Variants in LGR6 observed in about 807,000 individuals in gnomAD.
LGR6 encodes the protein leucine-rich repeat-containing G protein-coupled receptor 6.
A neutral mutation model predicts 69.4 loss-of-function variants in LGR6; 45 were observed. The ratio of observed to expected loss-of-function variants is 0.65; its 90% CI spans 0.51 to 0.83. The LOEUF (loss-of-function observed/expected upper bound fraction) is 0.83. LGR6 is among the 40% of genes least tolerant of loss of function. LGR6 has a pLI of 0.00. For synonymous variants in LGR6, 538 were observed against 555.0 expected, an observed-to-expected ratio of 0.97 and a Z score of 0.43; for missense variants, 1,108 against 1,246.7, an observed-to-expected ratio of 0.89 and a Z score of 1.68.
At chr1:202,229,977 G>C (rs142014630) in intron 3 of LGR6, among the ~76,000 whole-genome samples, 3 of 152,208 alleles carry the variant, frequency 2.0e-5, no homozygotes, top group African/African-American at 4.8e-5. Flanking sequence ...TCCATTGCTT[G>C]CTTTTCAGAG....
chr1:202,227,096 A>C (rs1660612472), intron 2 of LGR6, among the ~76,000 whole-genome samples: 1 of 152,206 alleles, frequency 6.6e-6, no homozygotes. Context: ...GAGACCTCAG[A>C]TGTCACGATG....
rs190426839 is a variant in LGR6, at chr1:202,298,130, G to A, written c.785+554G>A. ...TCCCCAAGCATCCTTCAGCCTCATT[G>A]AAGACACAAAGTAACATAGGTAAAA... On this transcript the variant is annotated intron_variant, in intron 7 of 17. Coordinates refer to ENST00000367278, the MANE Select transcript of LGR6 (RefSeq NM_001017403.2). Among the ~76,000 whole-genome samples, 285 of 152,318 alleles carry A rather than the reference G, an allele frequency of 1.9e-3. 1 individual carries two copies. Among genetic ancestry groups the A allele is most frequent in the Middle Eastern group, 0.01 (3 of 294 alleles).
chr1:202,264,471 G>A (rs1664490040), intron 4 of LGR6, among the ~76,000 whole-genome samples: 1 of 152,158 alleles, frequency 6.6e-6, no homozygotes, highest in Non-Finnish European at 1.5e-5. Flanking sequence ...CTTTGCCAGG[G>A]CAGGCAGCCA....
At chr1:202,225,989 A>C (rs552068410) in intron 2 of LGR6, among the ~76,000 whole-genome samples, 1 of 152,256 alleles carries the variant, frequency 6.6e-6, no homozygotes, top group African/African-American at 2.4e-5. Context: ...GCATCTCACC[A>C]GCTCAAAAGC....
chr1:202,227,901 T>C (rs771953388), intron 2 of LGR6, 35 bp from the exon 3 acceptor site: 1 of 1,538,842 alleles, frequency 6.5e-7, no homozygotes, highest in South Asian at 1.1e-5. Context: ...TTGGGTTACC[T>C]GCCAACATCG....
intron 1 of LGR6, chr1:202,194,449 G>A: frequency 1.6e-6 from 1 of 613,482 alleles, no homozygotes; most frequent in Non-Finnish European, 3.0e-6. Context: ...CTTGTGGGCT[G>A]ACTATGGGAG....
At chr1:202,243,778 GT>G (rs1662404205) in intron 4 of LGR6, among the ~76,000 whole-genome samples, 1 of 152,198 alleles carries the variant, frequency 6.6e-6, no homozygotes, top group African/African-American at 2.4e-5. Flanking sequence ...GAAGGAGCCA[GT>G]TGTGCATGAA....
At chr1:202,235,001 G>C (rs545425468) in intron 3 of LGR6, among the ~76,000 whole-genome samples, 1 of 152,288 alleles carries the variant, frequency 6.6e-6, no homozygotes, top group African/African-American at 2.4e-5. Flanking sequence ...CTAAAGGCCT[G>C]GAGGGTTTTC....
rs1213947215 is a variant in LGR6, at chr1:202,309,073, A to G, written c.1303A>G (p.Thr435Ala). Residue 435 changes from threonine (T) to alanine (A), a missense_variant, in exon 15 of 18, where the codon ACC becomes GCC. By Grantham distance (58) the Thr-to-Ala change is moderately conservative. Coordinates refer to ENST00000367278, the MANE Select transcript of LGR6 (RefSeq NM_001017403.2). ...VKLDLTDNQL[T>A]TLPLAGLGGL... is the part of the protein sequence containing the mutation. ...TAGGGACCTGACAGACAACCAGCTG[A>G]CCACACTGCCCCTGGCTGGACTTGG... The G allele has an allele frequency of 3.7e-6, 6 of 1,614,096 alleles. No individual in the cohort carries two copies. In the South Asian group the frequency reaches 4.4e-5, roughly 12 times the overall value.
At chr1:202,242,059 G>A (rs1174175308) in intron 4 of LGR6, among the ~76,000 whole-genome samples, 1 of 152,216 alleles carries the variant, frequency 6.6e-6, no homozygotes, top group Non-Finnish European at 1.5e-5. Context: ...TGGTGTGCTC[G>A]TGGGCCGGGG....
intron 7 of LGR6, among the ~76,000 whole-genome samples, chr1:202,298,967 G>A (rs1395610863): frequency 6.6e-6 from 1 of 151,762 alleles, no homozygotes; most frequent in Non-Finnish European, 1.5e-5. Context: ...ACCACCTAGA[G>A]GAAATAGTCT....
chr1:202,307,534 T>C, intron 14 of LGR6, 133 bp downstream of exon 14: 1 of 717,038 alleles, frequency 1.4e-6, no homozygotes, highest in Middle Eastern at 3.1e-4. Flanking sequence ...GCCTAATCAA[T>C]CATTCTGACA....
At position 202,319,338 on chromosome 1, in the gene LGR6, G is replaced by A; in HGVS notation, c.*131G>A. The A allele has an allele frequency of 1.3e-5, 13 of 983,906 alleles. No homozygotes were observed. In the South Asian group the frequency reaches 2.3e-4, roughly 17 times the overall value. 60.9% of individuals were successfully genotyped at this position (983,906 alleles called of 1,614,324 possible). The stretch of plus-strand genomic sequence containing the variant: ...TCTATAGCAGGATGGCCCAGTCCCT[G>A]GCTCCACTGATCACCTCTCTCCTGT... On this transcript the variant is annotated 3_prime_UTR_variant, in exon 18 of 18. Coordinates refer to ENST00000367278, the MANE Select transcript of LGR6 (RefSeq NM_001017403.2).
chr1:202,288,816 A>G (rs1436329828), intron 6 of LGR6, among the ~76,000 whole-genome samples: 1 of 152,184 alleles, frequency 6.6e-6, no homozygotes, highest in Non-Finnish European at 1.5e-5. Context: ...GCAAGACCCC[A>G]GCTTTTGACC....
At chr1:202,209,032 T>A (rs949787061) in intron 1 of LGR6, among the ~76,000 whole-genome samples, 2 of 152,106 alleles carry the variant, frequency 1.3e-5, no homozygotes, top group Non-Finnish European at 2.9e-5. Context: ...GATGGGCAGA[T>A]CAAGTCATTA....
chr1:202,264,495 C>T (rs1406228382), intron 4 of LGR6, among the ~76,000 whole-genome samples: 1 of 152,202 alleles, frequency 6.6e-6, no homozygotes, highest in African/African-American at 2.4e-5. Flanking sequence ...CTCAAGCAAC[C>T]ACAGGACCCG....
chr1:202,274,723 C>A (rs1665393607), intron 4 of LGR6, among the ~76,000 whole-genome samples: 1 of 152,194 alleles, frequency 6.6e-6, no homozygotes, highest in African/African-American at 2.4e-5. Flanking sequence ...TAACACAAAG[C>A]TCCCCAGGGT....
chr1:202,286,979 C>G (rs937525935), intron 6 of LGR6, among the ~76,000 whole-genome samples: 5 of 152,114 alleles, frequency 3.3e-5, no homozygotes, highest in Non-Finnish European at 7.4e-5. Flanking sequence ...GAACTCTACC[C>G]CCTCTGCCGA....
chr1:202,204,107 T>G (rs1203289715), intron 1 of LGR6, among the ~76,000 whole-genome samples: 1 of 151,980 alleles, frequency 6.6e-6, no homozygotes, highest in African/African-American at 2.4e-5. Context: ...GGGAACTCTT[T>G]TAGGGCAGGG....
Sources: allele counts gnomAD v4.1 joint callset (sites outside exome capture counted in the v4.1 genomes callset), GRCh38; gene constraint gnomAD v4.1.1; transcripts MANE v1.5; gene names NCBI Gene and HGNC (gene_info 2026-07-23, HGNC 2026-07-21).